Variants in PCDHGB5 observed in about 807,000 individuals in gnomAD.
PCDHGB5 encodes the protein protocadherin gamma subfamily B, 5.
A neutral mutation model predicts 62.9 loss-of-function variants in PCDHGB5; 48 were observed. That is an observed-to-expected ratio of 0.76 (90% CI 0.61 to 0.97). The LOEUF is 0.97. PCDHGB5 is among the 50% of genes least tolerant of loss of function. The pLI is 0.00. For missense variants in PCDHGB5, 1,118 were observed against 1,198.6 expected (o/e 0.93, Z 0.99); for synonymous variants, 474 against 511.2 (o/e 0.93, Z 0.98).
Position 141,398,804 on chromosome 5 carries a change from C to T in PCDHGB5, c.677C>T (p.Thr226Ile). Reference protein sequence around the residue: ...DGGHPPLSGTTELRIQVTDAN... With the variant: ...DGGHPPLSGTIELRIQVTDAN... Reference sequence around the variant, plus strand: ...GGACATCCACCCCTAAGCGGCACCACTGAGCTCCGGATCCAGGTAACCGAC... The same window carrying T: ...GGACATCCACCCCTAAGCGGCACCATTGAGCTCCGGATCCAGGTAACCGAC... The change falls in exon 1 of 4, where the codon ACT (threonine) becomes ATT (isoleucine). Residue 226 changes from threonine (T) to isoleucine (I), a missense_variant. Around this residue, in one of 2 missense-constraint regions of PCDHGB5, gnomAD observed 1,034 missense variants for 1,029.1 expected, o/e 1.00. Transcript: ENST00000617380. The T allele has an allele frequency of 6.2e-7, 1 of 1,614,012 alleles. No homozygotes were observed. Among genetic ancestry groups the T allele is most frequent in the Non-Finnish European group, 8.5e-7 (1 of 1,179,898 alleles).
chr5:141,423,758 G>GGT (rs138224377), intron 1 of PCDHGB5: 10 of 366,772 alleles, frequency 2.7e-5, no homozygotes, highest in Non-Finnish European at 1.5e-5. Flanking sequence ...TTTGGGGGGG[G>GGT]GGTGGGGCGG....
Position 141,399,029 on chromosome 5 carries a change from A to G in PCDHGB5, c.902A>G (p.Lys301Arg). ...NSKSGEITTQ[K>R]KLDFEETKEY... The stretch of plus-strand genomic sequence containing the variant: ...AAGAGCGGAGAAATTACCACTCAAA[A>G]GAAACTGGATTTTGAAGAGACCAAG... The change falls in exon 1 of 4, where the codon AAG becomes AGG. Residue 301 changes from lysine (K) to arginine (R), a missense_variant. This residue lies in a region of PCDHGB5 where 1,034 missense variants were observed against 1,029.1 expected (regional missense o/e 1.00). Transcript: ENST00000617380. The G allele has an allele frequency of 6.2e-7, 1 of 1,613,912 alleles. No homozygotes were observed.
intron 1 of PCDHGB5, among the ~76,000 whole-genome samples, chr5:141,464,301 T>A (rs1237581605): frequency 6.6e-6 from 1 of 150,782 alleles, no homozygotes; most frequent in Non-Finnish European, 1.5e-5. Flanking sequence ...CTCCATTGTA[T>A]GTGCACATAT....
intron 1 of PCDHGB5, among the ~76,000 whole-genome samples, chr5:141,450,467 T>C (rs997813636): frequency 9.2e-5 from 14 of 151,944 alleles, no homozygotes; most frequent in African/African-American, 3.2e-4. Flanking sequence ...ATTTTATATA[T>C]AGAGTTTGTT....
In PCDHGB5 at chr5:141,432,601, G is replaced by A. The variant is rs1313279772; in HGVS notation, c.2397+32077G>A. The A allele has an allele frequency of 5.6e-6, 9 of 1,613,950 alleles. No homozygotes were observed. Among genetic ancestry groups the A allele is most frequent in the Admixed American group, 1.7e-5 (1 of 60,030 alleles). On this transcript the variant is annotated intron_variant, in intron 1 of 3. Transcript: ENST00000617380. The surrounding 1 kb of genome is among the most constrained non-coding windows in gnomAD (Gnocchi z 6.0). ...ACCGTCTGCTCAAGGCCAGCGAGCC[G>A]GGACTCTTCTCGGTGGGTCTGCACA...
chr5:141,403,030 C>T, intron 1 of PCDHGB5: 1 of 1,614,056 alleles, frequency 6.2e-7, no homozygotes, highest in Non-Finnish European at 8.5e-7. Flanking sequence ...TATGGGAGGC[C>T]AGGGCCAGTC....
chr5:141,505,590 A>G, intron 3 of PCDHGB5, 109 bp downstream of exon 3: 1 of 1,571,996 alleles, frequency 6.4e-7, no homozygotes, highest in East Asian at 2.3e-5. Context: ...TAGTTTCTCC[A>G]GATCTTTCGG....
intron 1 of PCDHGB5, among the ~76,000 whole-genome samples, chr5:141,448,169 A>C (rs1418273084): frequency 6.6e-6 from 1 of 152,014 alleles, no homozygotes; most frequent in Non-Finnish European, 1.5e-5. Flanking sequence ...GATCACTACT[A>C]TTCATCCCTG....
chr5:141,432,946 A>G lies in PCDHGB5; in HGVS notation c.2397+32422A>G. 2 of 1,614,130 alleles carry G rather than the reference A, an allele frequency of 1.2e-6. No individual in the cohort carries two copies. The highest frequency in any genetic ancestry group is 1.1e-5 in the South Asian group (1 of 91,080). ...AGTCACGCCTGCTGCAGGCTTCAGG[A>G]GGCGGCTTGACAGGAGCGCCGGCGT... is the stretch of plus-strand genomic sequence containing the variant. On this transcript the variant is annotated intron_variant, in intron 1 of 3. Coordinates refer to ENST00000617380, the MANE Select transcript of PCDHGB5 (RefSeq NM_018925.3). This position sits in a 1 kb window ranked among gnomAD's most constrained non-coding sequence, Gnocchi z 6.0.
At chr5:141,427,603 T>G in intron 1 of PCDHGB5, 2 of 681,440 alleles carry the variant, frequency 2.9e-6, no homozygotes, top group East Asian at 2.8e-5. Flanking sequence ...ACCCTACGCA[T>G]TGGTGAAGTC....
At chr5:141,425,111 A>C (rs2096857405) in intron 1 of PCDHGB5, among the ~76,000 whole-genome samples, 1 of 152,144 alleles carries the variant, frequency 6.6e-6, no homozygotes, top group Non-Finnish European at 1.5e-5. Flanking sequence ...AGATGCCTAC[A>C]TTTTTCTTGA....
chr5:141,501,390 T>TCAC (rs1033806087), intron 2 of PCDHGB5, among the ~76,000 whole-genome samples: 4 of 151,794 alleles, frequency 2.6e-5, no homozygotes, highest in African/African-American at 9.7e-5. Flanking sequence ...CTAGGTCCTG[T>TCAC]CACAGGCCAC....
intron 1 of PCDHGB5, among the ~76,000 whole-genome samples, chr5:141,469,172 A>C (rs1310781965): frequency 6.6e-6 from 1 of 152,050 alleles, no homozygotes; most frequent in Admixed American, 6.6e-5. Context: ...GCTACTTGGG[A>C]GGCTGAGGCA....
At chr5:141,420,692 A>G (rs2096518268) in intron 1 of PCDHGB5, among the ~76,000 whole-genome samples, 1 of 152,228 alleles carries the variant, frequency 6.6e-6, no homozygotes, top group Admixed American at 6.5e-5. Context: ...GGACCGTATT[A>G]TTTCCACTTC....
chr5:141,431,617 C>A lies in PCDHGB5; in HGVS notation c.2397+31093C>A. ...GGTATTCCTTCCGGTATGTGGACGA[C>A]AAGGCGGCCCAAGTTTTCAAACTAG... On this transcript the variant is annotated intron_variant, in intron 1 of 3. Coordinates refer to ENST00000617380, the MANE Select transcript of PCDHGB5 (RefSeq NM_018925.3). This position sits in a 1 kb window ranked among gnomAD's most constrained non-coding sequence, Gnocchi z 4.8. 6.2e-7 allele frequency: 1 copy of A among 1,614,236 alleles called. No homozygotes were observed. Among genetic ancestry groups the A allele is most frequent in the Non-Finnish European group, 8.5e-7 (1 of 1,180,044 alleles).
At chr5:141,447,149 T>C (rs2098528211) in intron 1 of PCDHGB5, among the ~76,000 whole-genome samples, 1 of 152,212 alleles carries the variant, frequency 6.6e-6, no homozygotes, top group African/African-American at 2.4e-5. Flanking sequence ...TTTGTTTTTG[T>C]TTTTGTTTAA....
chr5:141,403,189 G>A (rs1234686339), intron 1 of PCDHGB5: 2 of 1,613,860 alleles, frequency 1.2e-6, no homozygotes, highest in South Asian at 1.1e-5. Flanking sequence ...CTCTGAACCC[G>A]CGCAGCGGCA....
At chr5:141,419,276 CAA>C in intron 1 of PCDHGB5, 4 of 1,614,038 alleles carry the variant, frequency 2.5e-6, no homozygotes, top group Non-Finnish European at 3.4e-6. Flanking sequence ...CTCCATAGCG[CAA>C]GTCAGTGCCT....
intron 3 of PCDHGB5, among the ~76,000 whole-genome samples, chr5:141,510,657 G>A (rs1388054630): frequency 6.6e-6 from 1 of 152,156 alleles, no homozygotes; most frequent in Non-Finnish European, 1.5e-5. Context: ...CCATTTTGCA[G>A]ATGAGAAAAC....
Sources: gnomAD v4.1 joint callset for allele counts (sites outside exome capture counted in the v4.1 genomes callset) on GRCh38, gnomAD v4.1.1 for gene constraint, gnomAD v4.1.1 regional missense constraint, Gnocchi (gnomAD v3.1) non-coding constraint, MANE v1.5 for transcripts, NCBI Gene and HGNC (gene_info 2026-07-23, HGNC 2026-07-21) for gene names.